Variants in LPP observed in about 807,000 individuals in gnomAD.
The protein encoded by LPP is lipoma-preferred partner.
LPP carries 38 observed loss-of-function variants against 60.4 expected under a neutral mutation model. The ratio of observed to expected loss-of-function variants is 0.63; its 90% CI spans 0.49 to 0.83. The LOEUF (loss-of-function observed/expected upper bound fraction) is 0.83. Ranked by LOEUF, LPP falls within the 40% of genes least tolerant of loss-of-function variation. The pLI is 0.00. For missense variants in LPP, 902 were observed against 783.6 expected, an observed-to-expected ratio of 1.15 and a Z score of -1.80; for synonymous variants, 328 against 290.8, an observed-to-expected ratio of 1.13 and a Z score of -1.30.
In LPP at chr3:188,660,922, T is replaced by A. The variant is rs76062161; in HGVS notation, c.1114-47345T>A. ...TACATGTTGTGGGCTTTGATGAGTG[T>A]GTAGCATTTATTTCCCGTCATAGAA... is the stretch of plus-strand genomic sequence containing the variant. On this transcript the variant is annotated intron_variant, in intron 7 of 11. Coordinates refer to ENST00000617246, the MANE Select transcript of LPP (RefSeq NM_001375462.1). 1.2e-3 allele frequency among the ~76,000 whole-genome samples: 187 copies of A among 152,286 alleles called. 2 individuals carry two copies. Among genetic ancestry groups the A allele is most frequent in the Non-Finnish European group, 1.2e-3 (81 of 68,020 alleles).
At chr3:188,841,595 T>G (rs766055790) in intron 9 of LPP, among the ~76,000 whole-genome samples, 2 of 152,138 alleles carry the variant, frequency 1.3e-5, no homozygotes, top group Non-Finnish European at 2.9e-5. Context: ...TTTCACCATC[T>G]TGGCCAGGAT....
At chr3:188,582,887 C>T (rs1580159348) in intron 6 of LPP, among the ~76,000 whole-genome samples, 1 of 152,156 alleles carries the variant, frequency 6.6e-6, no homozygotes, top group East Asian at 1.9e-4. Context: ...AATCTTTCTA[C>T]TTCTCCTCAT....
rs1293725377 is a variant in LPP at position 188,318,789 on chromosome 3, C to T, written c.-66-22874C>T. Among the ~76,000 whole-genome samples, 40 of 113,462 alleles carry T rather than the reference C, an allele frequency of 3.5e-4. No individual in the cohort carries two copies. The South Asian group carries it at 6.3e-3, about 18-fold the overall frequency. 74.4% of individuals were successfully genotyped at this position (113,462 alleles called of 152,430 possible). On this transcript the variant is annotated intron_variant, in intron 2 of 11. Coordinates refer to ENST00000617246, the MANE Select transcript of LPP (RefSeq NM_001375462.1). ...TTTTTTTTTTTTTGAGACGGAGTCT[C>T]GCTCTGTCGCCCAGGCTGGAGTGCA...
chr3:188,745,153 G>A (rs1485810006), intron 8 of LPP, among the ~76,000 whole-genome samples: 2 of 152,044 alleles, frequency 1.3e-5, no homozygotes, highest in Non-Finnish European at 2.9e-5. Context: ...ATATTTCTGT[G>A]TGGTTCTCTA....
At chr3:188,272,596 A>G (rs965548261) in intron 2 of LPP, among the ~76,000 whole-genome samples, 1 of 152,186 alleles carries the variant, frequency 6.6e-6, no homozygotes, top group Non-Finnish European at 1.5e-5. Flanking sequence ...GAAGCTGTAC[A>G]CGATGACACG....
At chr3:188,575,374 G>T (rs1203607880) in intron 6 of LPP, among the ~76,000 whole-genome samples, 7 of 152,080 alleles carry the variant, frequency 4.6e-5, no homozygotes, top group African/African-American at 1.7e-4. Context: ...GTTTAGTCTG[G>T]ATTTAAAATG....
chr3:188,232,516 T>TA (rs1315430033), intron 2 of LPP, among the ~76,000 whole-genome samples: 17 of 147,092 alleles, frequency 1.2e-4, no homozygotes, highest in Non-Finnish European at 2.1e-4. Context: ...TTTTTTTTTT[T>TA]TTTTTTTTTT....
chr3:188,217,012 T>A lies in LPP; in HGVS notation c.-189-8393T>A, dbSNP rs1385544428. Among the ~76,000 whole-genome samples, 1 of 152,362 alleles carries A rather than the reference T, an allele frequency of 6.6e-6. No individual in the cohort carries two copies. Among genetic ancestry groups the A allele is most frequent in the East Asian group, 1.9e-4 (1 of 5,190 alleles). On this transcript the variant is annotated intron_variant, in intron 1 of 11. Coordinates refer to ENST00000617246, the MANE Select transcript of LPP (RefSeq NM_001375462.1). The surrounding 1 kb of genome is among the most constrained non-coding windows in gnomAD (Gnocchi z 4.0). ...TGCACTGTTCTGGGCATTATCCCAG[T>A]ACTCGATTTAGAGCAAAGAGTAAGA...
chr3:188,179,391 C>A (rs1250695911), intron 1 of LPP: 1 of 457,986 alleles, frequency 2.2e-6, no homozygotes. Flanking sequence ...CCGCCTTGTT[C>A]CCATTGCCAC....
At chr3:188,509,877 T>TG (rs1814900975) in intron 5 of LPP, among the ~76,000 whole-genome samples, 5 of 144,298 alleles carry the variant, frequency 3.5e-5, no homozygotes, top group South Asian at 4.4e-4. Flanking sequence ...TTTGTTGTTT[T>TG]TTTTTTTTTT....
At chr3:188,535,742 G>A (rs1823405533) in intron 6 of LPP, among the ~76,000 whole-genome samples, 1 of 152,106 alleles carries the variant, frequency 6.6e-6, no homozygotes, top group Non-Finnish European at 1.5e-5. Flanking sequence ...ATGTTATCAT[G>A]AGGTATAATT....
intron 4 of LPP, among the ~76,000 whole-genome samples, chr3:188,462,052 G>T (rs925126583): frequency 1.3e-5 from 2 of 151,904 alleles, no homozygotes; most frequent in African/African-American, 4.8e-5. Context: ...AGTGCCTATT[G>T]CTTTGTTTTA....
chr3:188,407,091 A>C lies in LPP; in HGVS notation c.193+778A>C, dbSNP rs1031845871. On this transcript the variant is annotated intron_variant, in intron 4 of 11. Transcript: ENST00000617246. Reference sequence around the variant, plus strand: ...AAATAACTTAAAATAAAAAAAAAAAAAACTGAAGAATATTAGACTTCTAGG... The same window carrying C: ...AAATAACTTAAAATAAAAAAAAAAACAACTGAAGAATATTAGACTTCTAGG... Among the ~76,000 whole-genome samples the C allele has an allele frequency of 5.9e-5, 9 of 152,260 alleles. No homozygotes were observed. The South Asian group carries it at 1.2e-3, about 21-fold the overall frequency.
chr3:188,363,507 C>T (rs1452558812), intron 3 of LPP, among the ~76,000 whole-genome samples: 2 of 152,302 alleles, frequency 1.3e-5, no homozygotes, highest in East Asian at 1.9e-4. Context: ...CAAGGCAGCT[C>T]AGGTCCCTAG....
chr3:188,319,037 C>T (rs1281828590), intron 2 of LPP, among the ~76,000 whole-genome samples: 1 of 152,088 alleles, frequency 6.6e-6, no homozygotes. Flanking sequence ...GGATTACAGG[C>T]GTGAGCCACC....
chr3:188,712,515 C>T (rs998110335), intron 8 of LPP: 53 of 152,310 alleles, frequency 3.5e-4, no homozygotes, highest in Admixed American at 1.3e-3. Flanking sequence ...GTGTTTGCAT[C>T]AGCAGGGCCT....
intron 2 of LPP, among the ~76,000 whole-genome samples, chr3:188,340,856 A>G (rs1487429663): frequency 1.3e-5 from 2 of 152,192 alleles, no homozygotes; most frequent in Admixed American, 1.3e-4. Context: ...ATGTGCTTAT[A>G]ATGTTATCTT....
At chr3:188,829,389 C>G (rs536445198) in intron 9 of LPP, among the ~76,000 whole-genome samples, 1 of 152,308 alleles carries the variant, frequency 6.6e-6, no homozygotes, top group South Asian at 2.1e-4. Context: ...CCTCGTTCCA[C>G]TTACACACGA....
At chr3:188,689,427 G>C (rs1363197189) in intron 7 of LPP, among the ~76,000 whole-genome samples, 2 of 152,210 alleles carry the variant, frequency 1.3e-5, no homozygotes, top group Non-Finnish European at 2.9e-5. Flanking sequence ...CTTGTGCTTT[G>C]TGTAATCAAT....
Sources: allele counts gnomAD v4.1 joint callset (sites outside exome capture counted in the v4.1 genomes callset), GRCh38; gene constraint gnomAD v4.1.1; non-coding constraint Gnocchi (gnomAD v3.1); transcripts MANE v1.5; gene names NCBI Gene and HGNC (gene_info 2026-07-23, HGNC 2026-07-21).